The following SLCO6A1 variants were observed in gnomAD, a reference collection of about 807,000 sequenced individuals.
SLCO6A1 encodes the protein solute carrier organic anion transporter family member 6A1.
A neutral mutation model predicts 72.7 loss-of-function variants in SLCO6A1; 65 were observed. That is an observed-to-expected ratio of 0.89 (90% CI 0.73 to 1.10). The LOEUF is 1.10. Among genes scored for constraint, SLCO6A1 ranks in the 50% least tolerant of loss-of-function variants. SLCO6A1 has a pLI of 0.00. For synonymous variants in SLCO6A1, 314 were observed against 298.2 expected, an observed-to-expected ratio of 1.05 and a Z score of -0.55; for missense variants, 874 against 872.6, an observed-to-expected ratio of 1.00 and a Z score of -0.02.
At chr5:102,404,505 C>CA (rs1338361017) in intron 9 of SLCO6A1, among the ~76,000 whole-genome samples, 2 of 150,050 alleles carry the variant, frequency 1.3e-5, no homozygotes, top group South Asian at 2.1e-4. Flanking sequence ...GACTCTGTCT[C>CA]AAAAAAACAA....
chr5:102,472,180 A>T (rs999543956), intron 4 of SLCO6A1, among the ~76,000 whole-genome samples: 1 of 152,070 alleles, frequency 6.6e-6, no homozygotes, highest in African/African-American at 2.4e-5. Context: ...TAGAAAGATG[A>T]AGAGTAAATT....
Position 102,404,419 on chromosome 5 carries a change from G to A in SLCO6A1, c.1627-4677C>T, listed in dbSNP as rs138198326. Among the ~76,000 whole-genome samples, 334 of 152,224 alleles carry A rather than the reference G, an allele frequency of 2.2e-3. 3 individuals carry two copies. Among genetic ancestry groups the A allele is most frequent in the African/African-American group, 7.3e-3 (302 of 41,566 alleles). ...CTGAGGCAGGAGAATGCCGTGAACC[G>A]GGGAGGCGGAGCTTGCAGTGAGCCA... On this transcript the variant is annotated intron_variant, in intron 9 of 13. Coordinates refer to ENST00000506729, the MANE Select transcript of SLCO6A1 (RefSeq NM_173488.5).
intron 6 of SLCO6A1, among the ~76,000 whole-genome samples, chr5:102,456,210 C>T (rs1750704120): frequency 1.3e-5 from 2 of 152,250 alleles, no homozygotes; most frequent in African/African-American, 2.4e-5. Flanking sequence ...CAGGGATGCC[C>T]TCTCTCACCA....
At chr5:102,496,451 G>A (rs1019112110) in intron 1 of SLCO6A1, among the ~76,000 whole-genome samples, 1 of 152,152 alleles carries the variant, frequency 6.6e-6, no homozygotes, top group Non-Finnish European at 1.5e-5. Context: ...CCTGTATGAA[G>A]TCAGTTAAGA....
At chr5:102,427,868 T>A (rs1222654939) in intron 7 of SLCO6A1, among the ~76,000 whole-genome samples, 610 of 89,198 alleles carry the variant, frequency 6.8e-3, no homozygotes, top group South Asian at 0.024. Context: ...ATATATATTT[T>A]TTTTTTTTTT....
rs1476888022 is a variant in SLCO6A1, at chr5:102,428,022, C to A, written c.1277-8001G>T. ...TAGCTGGGATTACAGTTGTGCACCACCATACCACCATACTAATTTTTGTAT... is the reference window on the plus strand; with the variant it reads ...TAGCTGGGATTACAGTTGTGCACCAACATACCACCATACTAATTTTTGTAT... On this transcript the variant is annotated intron_variant, in intron 7 of 13. Transcript: ENST00000506729. 7.3e-5 allele frequency among the ~76,000 whole-genome samples: 11 copies of A among 151,118 alleles called. No homozygotes were observed. The East Asian group carries it at 2.2e-3, about 30-fold the overall frequency.
chr5:102,375,344 C>G (rs1286364523), intron 12 of SLCO6A1, among the ~76,000 whole-genome samples: 1 of 152,116 alleles, frequency 6.6e-6, no homozygotes, highest in Non-Finnish European at 1.5e-5. Flanking sequence ...CCAACTCAAA[C>G]TAAAGCTGCA....
rs545600537 is a variant in SLCO6A1, at chr5:102,492,563, C to T, written c.358+5924G>A. Among the ~76,000 whole-genome samples the T allele has an allele frequency of 1.6e-4, 25 of 152,166 alleles. 1 individual carries two copies. Among genetic ancestry groups the T allele is most frequent in the Middle Eastern group, 3.4e-3 (1 of 294 alleles). ...GGACAGGACAGTGGGTGCAGCCCACCGAGTGTGAGCTGAAGCAGGGGAGGC... is the reference window on the plus strand; with the variant it reads ...GGACAGGACAGTGGGTGCAGCCCACTGAGTGTGAGCTGAAGCAGGGGAGGC... On this transcript the variant is annotated intron_variant, in intron 1 of 13. Coordinates refer to ENST00000506729, the MANE Select transcript of SLCO6A1 (RefSeq NM_173488.5).
intron 7 of SLCO6A1, 68 bp from the exon 8 acceptor site, chr5:102,420,089 G>T: frequency 7.9e-7 from 1 of 1,260,584 alleles, no homozygotes; most frequent in South Asian, 1.7e-5. Flanking sequence ...TACATACATT[G>T]ATACAATTTC....
intron 6 of SLCO6A1, among the ~76,000 whole-genome samples, chr5:102,453,367 G>A (rs962544984): frequency 1.3e-5 from 2 of 151,328 alleles, no homozygotes; most frequent in Non-Finnish European, 1.5e-5. Context: ...AGAAAGAAAG[G>A]AAAAAAGCAA....
chr5:102,419,688 T>G, intron 8 of SLCO6A1, 138 bp downstream of exon 8: 1 of 688,396 alleles, frequency 1.5e-6, no homozygotes, highest in African/African-American at 2.0e-5. Context: ...AAACTGTACT[T>G]TATATTTCTT....
chr5:102,484,588 T>C (rs1752357801), intron 1 of SLCO6A1, among the ~76,000 whole-genome samples: 1 of 151,842 alleles, frequency 6.6e-6, no homozygotes, highest in African/African-American at 2.4e-5. Flanking sequence ...AGGCAGAGGT[T>C]TACAGTGAGC....
intron 6 of SLCO6A1, among the ~76,000 whole-genome samples, chr5:102,443,159 T>C (rs1361042745): frequency 2.6e-5 from 4 of 152,026 alleles, no homozygotes; most frequent in Non-Finnish European, 4.4e-5. Flanking sequence ...ATGGCACCAC[T>C]GCACTCCAAG....
At chr5:102,400,431 A>G (rs111287258) in intron 9 of SLCO6A1, among the ~76,000 whole-genome samples, 3 of 152,088 alleles carry the variant, frequency 2.0e-5, no homozygotes, top group Non-Finnish European at 4.4e-5. Context: ...AAAAGAGAGC[A>G]CGAAGGCAAA....
At chr5:102,418,468 G>T (rs996876011) in intron 8 of SLCO6A1, among the ~76,000 whole-genome samples, 1 of 151,738 alleles carries the variant, frequency 6.6e-6, no homozygotes, top group African/African-American at 2.4e-5. Flanking sequence ...ACATACAATG[G>T]CCATCTGAAG....
intron 7 of SLCO6A1, among the ~76,000 whole-genome samples, chr5:102,420,643 A>C (rs1020158078): frequency 6.6e-6 from 1 of 152,194 alleles, no homozygotes; most frequent in East Asian, 1.9e-4. Flanking sequence ...ATGAGATAGC[A>C]CAGTAAATTC....
chr5:102,392,821 A>G (rs1580343766), intron 10 of SLCO6A1, among the ~76,000 whole-genome samples: 1 of 152,034 alleles, frequency 6.6e-6, no homozygotes, highest in African/African-American at 2.4e-5. Flanking sequence ...CACTCTTTTT[A>G]TATGGCCTCT....
intron 10 of SLCO6A1, among the ~76,000 whole-genome samples, chr5:102,393,676 A>C (rs1476849254): frequency 6.6e-6 from 1 of 152,038 alleles, no homozygotes; most frequent in Non-Finnish European, 1.5e-5. Context: ...GCATCAGAGG[A>C]GTAGAGACCT....
intron 12 of SLCO6A1, among the ~76,000 whole-genome samples, chr5:102,378,763 ATTG>A (rs1478893877): frequency 6.6e-6 from 1 of 151,636 alleles, no homozygotes; most frequent in African/African-American, 2.4e-5. Flanking sequence ...TATCCATTCT[ATTG>A]TTGTTTTTGT....
Sources: gnomAD v4.1 joint callset for allele counts (sites outside exome capture counted in the v4.1 genomes callset) on GRCh38, gnomAD v4.1.1 for gene constraint, MANE v1.5 for transcripts, NCBI Gene and HGNC (gene_info 2026-07-23, HGNC 2026-07-21) for gene names.